CSMD1: variants seen among roughly 807,000 people sequenced by gnomAD.
CSMD1 encodes the protein CUB and sushi domain-containing protein 1.
In CSMD1, 213 loss-of-function variants were observed where a neutral mutation model predicts 417.5. The observed-to-expected ratio is 0.51, with a 90% CI of 0.46 to 0.57. The LOEUF (loss-of-function observed/expected upper bound fraction) is 0.57, where lower values mean the gene tolerates loss of function less well. Among genes scored for constraint, CSMD1 ranks in the 20% least tolerant of loss-of-function variants. The pLI is 0.00. For missense variants in CSMD1, 6,923 were observed against 4,529.7 expected (o/e 1.53, Z -15.17); for synonymous variants, 2,862 against 1,736.8 (o/e 1.65, Z -16.11).
At chr8:4,886,613 A>G (rs1456114967) in intron 1 of CSMD1, among the ~76,000 whole-genome samples, 1 of 151,884 alleles carries the variant, frequency 6.6e-6, no homozygotes, top group Non-Finnish European at 1.5e-5. Context: ...CAGCAGTAAA[A>G]CTGTGATGCC....
chr8:3,332,325 G>C (rs1245942916), intron 23 of CSMD1, among the ~76,000 whole-genome samples: 2 of 152,212 alleles, frequency 1.3e-5, no homozygotes, highest in African/African-American at 2.4e-5. Flanking sequence ...TCCTAGCAGA[G>C]AAGGGAAGGT....
intron 6 of CSMD1, among the ~76,000 whole-genome samples, chr8:3,717,485 C>A (rs1342490512): frequency 6.6e-6 from 1 of 152,064 alleles, no homozygotes; most frequent in African/African-American, 2.4e-5. Context: ...GTAGGACGTT[C>A]CCCTTAGTTC....
intron 5 of CSMD1, among the ~76,000 whole-genome samples, chr8:3,896,050 G>C (rs976394369): frequency 1.3e-5 from 2 of 152,184 alleles, no homozygotes; most frequent in African/African-American, 2.4e-5. Context: ...ACTGCGGAGC[G>C]CTGGACTCAT....
chr8:4,075,294 T>G (rs937185116), intron 3 of CSMD1, among the ~76,000 whole-genome samples: 2 of 152,154 alleles, frequency 1.3e-5, no homozygotes, highest in African/African-American at 4.8e-5. Flanking sequence ...TTGATATATG[T>G]TTATGTAAAT....
chr8:4,018,986 C>G (rs531249406), intron 4 of CSMD1, among the ~76,000 whole-genome samples: 1 of 152,204 alleles, frequency 6.6e-6, no homozygotes, highest in African/African-American at 2.4e-5. Context: ...GTGTTTAACT[C>G]TGATTACCAC....
chr8:4,632,425 T>C (rs1358051113), intron 2 of CSMD1, among the ~76,000 whole-genome samples: 2 of 152,120 alleles, frequency 1.3e-5, no homozygotes, highest in African/African-American at 4.8e-5. Context: ...GACAGCAGAA[T>C]TGCTTAAACC....
At chr8:4,520,098 G>C (rs980684846) in intron 2 of CSMD1, among the ~76,000 whole-genome samples, 3 of 152,086 alleles carry the variant, frequency 2.0e-5, no homozygotes, top group African/African-American at 4.8e-5. Context: ...ATTTAGTCAT[G>C]ATGTTCTGGT....
intron 10 of CSMD1, among the ~76,000 whole-genome samples, chr8:3,537,724 A>C (rs1798263325): frequency 6.6e-6 from 1 of 152,244 alleles, no homozygotes; most frequent in Non-Finnish European, 1.5e-5. Flanking sequence ...ATACATTATC[A>C]AGAATCAAAA....
intron 3 of CSMD1, among the ~76,000 whole-genome samples, chr8:4,303,772 C>G (rs144628635): frequency 0.023 from 3,561 of 152,190 alleles, 62 homozygotes; most frequent in Non-Finnish European, 0.036. Context: ...TCTCCTGCCT[C>G]AGCCTCCTGA....
intron 3 of CSMD1, among the ~76,000 whole-genome samples, chr8:4,352,760 A>G (rs541923635): frequency 1.3e-5 from 2 of 152,360 alleles, no homozygotes; most frequent in East Asian, 1.9e-4. Flanking sequence ...GATGGAAACC[A>G]TGGCAGACAA....
chr8:4,584,602 G>C (rs1347680194), intron 2 of CSMD1, among the ~76,000 whole-genome samples: 2 of 152,144 alleles, frequency 1.3e-5, no homozygotes, highest in Non-Finnish European at 2.9e-5. Context: ...AGGGTCTACA[G>C]AGAGGAAAGC....
chr8:3,485,191 G>C (rs1356840320), intron 11 of CSMD1, among the ~76,000 whole-genome samples: 1 of 152,142 alleles, frequency 6.6e-6, no homozygotes, highest in Non-Finnish European at 1.5e-5. Context: ...TATAAACTGT[G>C]GAACATTCAT....
intron 12 of CSMD1, among the ~76,000 whole-genome samples, chr8:3,427,833 C>T (rs1215617165): frequency 1.3e-5 from 2 of 152,176 alleles, no homozygotes; most frequent in African/African-American, 4.8e-5. Flanking sequence ...TTGCTTCCAG[C>T]AGAGGAGGCG....
intron 29 of CSMD1, among the ~76,000 whole-genome samples, 170 bp from the exon 30 acceptor site, chr8:3,214,861 A>C (rs534961670): frequency 5.8e-4 from 88 of 152,366 alleles, no homozygotes; most frequent in Non-Finnish European, 1.1e-3. Flanking sequence ...ACCAAGTGAA[A>C]CTATTAATTA....
At chr8:3,502,028 C>A (rs570293014) in intron 10 of CSMD1, among the ~76,000 whole-genome samples, 69 of 152,214 alleles carry the variant, frequency 4.5e-4, no homozygotes, top group African/African-American at 1.6e-3. Context: ...TCTTACATAA[C>A]CAACTATATG....
chr8:4,474,825 A>G (rs1403457773), intron 2 of CSMD1, among the ~76,000 whole-genome samples: 4 of 152,154 alleles, frequency 2.6e-5, no homozygotes, highest in Non-Finnish European at 5.9e-5. Context: ...GACCCCTTCC[A>G]CTTAATCAAT....
intron 49 of CSMD1, among the ~76,000 whole-genome samples, chr8:3,080,360 G>A (rs570716085): frequency 8.5e-5 from 13 of 152,358 alleles, no homozygotes; most frequent in East Asian, 3.9e-4. Flanking sequence ...AATGAAGCCT[G>A]AGGACAGAAG....
chr8:3,822,671 C>G (rs1801804545), intron 5 of CSMD1, among the ~76,000 whole-genome samples: 1 of 152,212 alleles, frequency 6.6e-6, no homozygotes, highest in African/African-American at 2.4e-5. Context: ...GTCTTCTCAG[C>G]TTCACAGTCA....
At chr8:3,744,425 A>G (rs184132287) in intron 6 of CSMD1, among the ~76,000 whole-genome samples, 31 of 152,358 alleles carry the variant, frequency 2.0e-4, no homozygotes, top group African/African-American at 7.2e-4. Flanking sequence ...ATTCCATAGA[A>G]AGATTTTAAC....
Sources: gnomAD v4.1 joint callset for allele counts (sites outside exome capture counted in the v4.1 genomes callset) on GRCh38, gnomAD v4.1.1 for gene constraint, MANE v1.5 for transcripts, NCBI Gene and HGNC (gene_info 2026-07-23, HGNC 2026-07-21) for gene names.